Variants in CXADR observed in about 807,000 individuals in gnomAD.
CXADR encodes CXADR cell adhesion molecule.
In CXADR, 20 loss-of-function variants were observed where a neutral mutation model predicts 40.3. That is an observed-to-expected ratio of 0.50 (90% confidence interval 0.35 to 0.72). CXADR has a LOEUF of 0.72. Among genes scored for constraint, CXADR ranks in the 30% least tolerant of loss-of-function variants. The probability of loss-of-function intolerance (pLI) is 0.01; values close to 1 mark genes in which losing one functional copy is unlikely to be tolerated. For missense variants in CXADR, 332 were observed against 449.1 expected, an observed-to-expected ratio of 0.74 and a Z score of 2.36; for synonymous variants, 150 against 161.3, an observed-to-expected ratio of 0.93 and a Z score of 0.53.
chr21:17,596,736 T>C (rs1030543119), downstream of CXADR, among the ~76,000 whole-genome samples: 2 of 152,108 alleles, frequency 1.3e-5, no homozygotes, highest in Non-Finnish European at 2.9e-5. Flanking sequence ...ATCCTCCTTT[T>C]TTAAAATTTT....
chr21:17,589,214 A>G (rs2061418075), intron 7 of CXADR, among the ~76,000 whole-genome samples: 1 of 152,094 alleles, frequency 6.6e-6, no homozygotes, highest in Admixed American at 6.6e-5. Flanking sequence ...ATAAGTATTT[A>G]CTATTTCAGA....
chr21:17,591,467 G>A (rs2061434388), intron 7 of CXADR, among the ~76,000 whole-genome samples: 1 of 151,914 alleles, frequency 6.6e-6, no homozygotes, highest in African/African-American at 2.4e-5. Context: ...TAGCTGAGAA[G>A]TCAACATAAA....
chr21:17,587,428 C>T (rs556876662), intron 7 of CXADR, among the ~76,000 whole-genome samples: 1 of 152,292 alleles, frequency 6.6e-6, no homozygotes, highest in East Asian at 1.9e-4. Flanking sequence ...AAATGATCGC[C>T]ATTCTAACTG....
chr21:17,513,662 G>T (rs1403943692), intron 1 of CXADR, among the ~76,000 whole-genome samples: 1 of 152,218 alleles, frequency 6.6e-6, no homozygotes, highest in Non-Finnish European at 1.5e-5. Flanking sequence ...GAGCTGCCCG[G>T]TGCCTCGGAT....
At chr21:17,540,170 T>C (rs2060809109) in intron 1 of CXADR, among the ~76,000 whole-genome samples, 3 of 152,056 alleles carry the variant, frequency 2.0e-5, no homozygotes, top group Admixed American at 2.0e-4. Context: ...CGGATGTCAG[T>C]TCCTTCTGTT....
the CXADR span, among the ~76,000 whole-genome samples, chr21:17,609,548 T>TA: frequency 2.0e-5 from 3 of 152,282 alleles, no homozygotes; most frequent in South Asian, 2.1e-4. Context: ...CTTTAAAACA[T>TA]AAAAAAAGTC....
intron 7 of CXADR, among the ~76,000 whole-genome samples, chr21:17,577,602 A>G (rs901576810): frequency 1.0e-5 from 1 of 95,998 alleles, no homozygotes; most frequent in Non-Finnish European, 2.2e-5. Context: ...ACGTCAGACC[A>G]TTCTGCAAGC....
chr21:17,521,775 G>A (rs1417981073), intron 1 of CXADR, among the ~76,000 whole-genome samples: 2 of 152,184 alleles, frequency 1.3e-5, no homozygotes, highest in Non-Finnish European at 2.9e-5. Context: ...GTAGAAGCCA[G>A]CAGATAAAGA....
At chr21:17,624,512 C>G in the CXADR span, among the ~76,000 whole-genome samples, 2 of 152,158 alleles carry the variant, frequency 1.3e-5, no homozygotes, top group South Asian at 4.1e-4. Flanking sequence ...GCATGCTATC[C>G]TCATGTTTGG....
the CXADR span, chr21:17,609,148 T>C: frequency 1.2e-6 from 2 of 1,605,204 alleles, no homozygotes; most frequent in South Asian, 1.1e-5. Context: ...TCTTCATTTT[T>C]TTCCCTGCAA....
the CXADR span, among the ~76,000 whole-genome samples, chr21:17,607,487 GA>G: frequency 1.3e-5 from 2 of 152,166 alleles, no homozygotes; most frequent in African/African-American, 4.8e-5. Context: ...CAATTTACTG[GA>G]AACCTCTTTG....
At chr21:17,609,847 C>T in the CXADR span, among the ~76,000 whole-genome samples, 1 of 152,024 alleles carries the variant, frequency 6.6e-6, no homozygotes, top group African/African-American at 2.4e-5. Context: ...AGTACTAATA[C>T]AAGCTACAAT....
Position 17,551,737 on chromosome 21 carries a change from G to A in CXADR, c.211-12G>A. On this transcript the variant is annotated splice_polypyrimidine_tract_variant and intron_variant, in intron 2 of 6. Transcript: ENST00000284878. ...TTGTTTTTCCTCCTGTCTAATTTTG[G>A]CTTTCTTTTAGATTATTTTATATTC... 6.3e-7 allele frequency: 1 copy of A among 1,594,668 alleles called. No homozygotes were observed. Among genetic ancestry groups the A allele is most frequent in the South Asian group, 1.1e-5 (1 of 89,030 alleles).
intron 1 of CXADR, among the ~76,000 whole-genome samples, chr21:17,522,827 A>G (rs780198955): frequency 6.6e-6 from 1 of 152,096 alleles, no homozygotes; most frequent in Non-Finnish European, 1.5e-5. Context: ...TCCCTTCTCC[A>G]ACTTTACCCA....
At chr21:17,552,347 A>G (rs2060979344) in intron 3 of CXADR, among the ~76,000 whole-genome samples, 1 of 152,224 alleles carries the variant, frequency 6.6e-6, no homozygotes, top group Non-Finnish European at 1.5e-5. Flanking sequence ...AATATGGAAG[A>G]AGGAATATTG....
At chr21:17,527,089 A>C (rs1170389954) in intron 1 of CXADR, 6 of 152,208 alleles carry the variant, frequency 3.9e-5, no homozygotes, top group Non-Finnish European at 7.3e-5. Context: ...TGTAGTAGAG[A>C]ATATGAGGAA....
chr21:17,545,719 A>ACCTTCAGCATATACCCTACTG (rs2060887609), intron 1 of CXADR, among the ~76,000 whole-genome samples: 1 of 152,196 alleles, frequency 6.6e-6, no homozygotes, highest in African/African-American at 2.4e-5. Context: ...AAGGGAAATA[A>ACCTTCAGCATATACCCTACTG]AAAGGGATGA....
chr21:17,627,602 A>G, the CXADR span, among the ~76,000 whole-genome samples: 1 of 152,222 alleles, frequency 6.6e-6, no homozygotes, highest in African/African-American at 2.4e-5. Flanking sequence ...ATCGGGAAAT[A>G]TGGTCTCTAC....
chr21:17,598,570 G>A, downstream of CXADR: 1 of 1,526,508 alleles, frequency 6.6e-7, no homozygotes, highest in East Asian at 2.3e-5. Flanking sequence ...GAAAGGTCCT[G>A]GCAATCCCTG....
Sources: gnomAD v4.1 joint callset for allele counts (sites outside exome capture counted in the v4.1 genomes callset) on GRCh38, gnomAD v4.1.1 for gene constraint, MANE v1.5 for transcripts, NCBI Gene and HGNC (gene_info 2026-07-23, HGNC 2026-07-21) for gene names.